The following HFM1 variants were observed in gnomAD, a reference collection of about 807,000 sequenced individuals.
HFM1 encodes helicase for meiosis 1, also known as probable ATP-dependent DNA helicase HFM1.
HFM1 carries 169 observed loss-of-function variants against 192.1 expected under a neutral mutation model. That is an observed-to-expected ratio of 0.88 (90% CI 0.78 to 1.00). The LOEUF is 1.00. Among genes scored for constraint, HFM1 ranks in the 50% least tolerant of loss-of-function variants. The pLI, the probability that HFM1 is intolerant of heterozygous loss-of-function variation, is 0.00. For missense variants in HFM1, 1,661 were observed against 1,668.0 expected (o/e 1.00, Z 0.07); for synonymous variants, 525 against 537.8 (o/e 0.98, Z 0.33).
intron 36 of HFM1, among the ~76,000 whole-genome samples, chr1:91,263,231 TA>T (rs1354638998): frequency 2.0e-5 from 3 of 151,320 alleles, no homozygotes; most frequent in African/African-American, 7.3e-5. Context: ...TGTGGAGCCA[TA>T]AGCCCATTTT....
intron 4 of HFM1, among the ~76,000 whole-genome samples, chr1:91,393,569 T>C (rs1663270067): frequency 6.6e-6 from 1 of 152,162 alleles, no homozygotes; most frequent in East Asian, 1.9e-4. Context: ...TGTGGGATTT[T>C]ATCTCCTAAA....
intron 7 of HFM1, 46 bp downstream of exon 7, chr1:91,380,866 A>G (rs1156371800): frequency 5.6e-6 from 5 of 893,732 alleles, no homozygotes; most frequent in Admixed American, 1.9e-5. Context: ...AGTGATCATA[A>G]CCTAGTGAAA....
At position 91,404,818 on chromosome 1, in the gene HFM1, G is replaced by A; in HGVS notation, c.-48C>T. On this transcript the variant is annotated 5_prime_UTR_variant, in exon 1 of 39. Transcript: ENST00000370425. ...CTCACCTCCCTGCGGACAGCTCCTA[G>A]GCCAGTCGAGCGCCGATTTATCAGC... The A allele has an allele frequency of 2.2e-6, 1 of 455,690 alleles. No individual in the cohort carries two copies. The highest frequency in any genetic ancestry group is 4.4e-6 in the Non-Finnish European group (1 of 226,694). 28.2% of individuals were successfully genotyped at this position (455,690 alleles called of 1,614,324 possible).
chr1:91,404,715 G>A (rs1664699748), intron 1 of HFM1, 83 bp downstream of exon 1: 14 of 401,468 alleles, frequency 3.5e-5, no homozygotes, highest in South Asian at 2.4e-4. Flanking sequence ...CTGCCCGGAC[G>A]GCTCGGCTGG....
chr1:91,308,107 C>A (rs1321684812), intron 30 of HFM1, among the ~76,000 whole-genome samples: 1 of 152,110 alleles, frequency 6.6e-6, no homozygotes, highest in Non-Finnish European at 1.5e-5. Context: ...TGGGGTTTAC[C>A]AAAATTCTAA....
chr1:91,382,934 A>G (rs988836010), intron 6 of HFM1, among the ~76,000 whole-genome samples: 1 of 152,194 alleles, frequency 6.6e-6, no homozygotes, highest in African/African-American at 2.4e-5. Flanking sequence ...GGTAGGACCA[A>G]TCTGAGAAAA....
chr1:91,276,301 T>C (rs138469188), intron 32 of HFM1, among the ~76,000 whole-genome samples: 80 of 152,288 alleles, frequency 5.3e-4, no homozygotes, highest in Non-Finnish European at 9.0e-4. Flanking sequence ...CTCATCACAC[T>C]ATATTAAAAA....
At chr1:91,307,105 T>C (rs1030599603) in intron 30 of HFM1, among the ~76,000 whole-genome samples, 8 of 152,272 alleles carry the variant, frequency 5.3e-5, no homozygotes, top group African/African-American at 1.2e-4. Context: ...TCTTCATTCA[T>C]AGAGGGTTCT....
At chr1:91,289,720 G>A (rs1668492462) in intron 30 of HFM1, among the ~76,000 whole-genome samples, 1 of 152,118 alleles carries the variant, frequency 6.6e-6, no homozygotes, top group Non-Finnish European at 1.5e-5. Flanking sequence ...AACCAGTCAG[G>A]CGTGGCGGCG....
intron 20 of HFM1, among the ~76,000 whole-genome samples, chr1:91,342,260 AAG>A (rs1000396435): frequency 6.6e-6 from 1 of 151,860 alleles, no homozygotes; most frequent in African/African-American, 2.4e-5. Flanking sequence ...GAGAGAGAGA[AAG>A]AGAGAGAGAT....
At chr1:91,389,296 G>A (rs995967751) in intron 4 of HFM1, among the ~76,000 whole-genome samples, 2 of 152,148 alleles carry the variant, frequency 1.3e-5, no homozygotes, top group East Asian at 1.9e-4. Flanking sequence ...TGAGTAGCTA[G>A]GATTACAGGC....
chr1:91,328,367 T>A, intron 20 of HFM1: 2 of 1,560,788 alleles, frequency 1.3e-6, no homozygotes, highest in Admixed American at 3.7e-5. Flanking sequence ...CAGTCATCCC[T>A]CCTCTGTGTT....
chr1:91,315,871 A>G lies in HFM1; in HGVS notation c.3084T>C (p.Tyr1028=), dbSNP rs776012083. ...QTKRTASDSH[Y]VTLIIGDADN... ...CTGCGTCACCTATGATTAAGGTAACATAGTGAGAATCCGATGCTGTTCTTT... is the reference window on the plus strand; with the variant it reads ...CTGCGTCACCTATGATTAAGGTAACGTAGTGAGAATCCGATGCTGTTCTTT... Residue 1028 remains tyrosine, a synonymous_variant, in exon 28 of 39, where the codon TAT becomes TAC. Coordinates refer to ENST00000370425, the MANE Select transcript of HFM1 (RefSeq NM_001017975.6). 3 of 1,611,272 alleles carry G rather than the reference A, an allele frequency of 1.9e-6. No individual in the cohort carries two copies. The highest frequency in any genetic ancestry group is 2.5e-6 in the Non-Finnish European group (3 of 1,177,768).
intron 20 of HFM1, among the ~76,000 whole-genome samples, chr1:91,343,099 C>T (rs1655587553): frequency 6.6e-6 from 1 of 151,750 alleles, no homozygotes; most frequent in African/African-American, 2.4e-5. Flanking sequence ...GGCATGGTGG[C>T]AGGCGCCTGT....
intron 13 of HFM1, among the ~76,000 whole-genome samples, chr1:91,362,973 T>C (rs1658719526): frequency 6.6e-6 from 1 of 152,126 alleles, no homozygotes; most frequent in Admixed American, 6.5e-5. Flanking sequence ...TGGCTAGCCA[T>C]ATGCAGAAAA....
At position 91,319,061 on chromosome 1, in the gene HFM1, C is replaced by A; in HGVS notation, c.2812+17G>T. On this transcript the variant is annotated intron_variant, in intron 25 of 38. Coordinates refer to ENST00000370425, the MANE Select transcript of HFM1 (RefSeq NM_001017975.6). Reference sequence around the variant, plus strand: ...TTGCAGACATGGCCAAACTGCCTGCCTGTATTCAGTACCTACCAATTTTTT... The same window carrying A: ...TTGCAGACATGGCCAAACTGCCTGCATGTATTCAGTACCTACCAATTTTTT... 1 of 1,569,546 alleles carries A rather than the reference C, an allele frequency of 6.4e-7. No homozygotes were observed. The highest frequency in any genetic ancestry group is 1.2e-5 in the South Asian group (1 of 82,956).
At chr1:91,296,037 A>T (rs1160672122) in intron 30 of HFM1, among the ~76,000 whole-genome samples, 1 of 151,362 alleles carries the variant, frequency 6.6e-6, no homozygotes, top group Non-Finnish European at 1.5e-5. Flanking sequence ...CATGCCATTC[A>T]CCTCCCGAGT....
At position 91,313,390 on chromosome 1, in the gene HFM1, G is replaced by C; in HGVS notation, c.3350C>G (p.Ser1117Cys). ...QRKSETQISH[S>C]KHSDISTIAG... ...TATTGTAGATATGTCTGAATGTTTAGAATGGGAAATCTGTGTTTCAGATTT... is the reference window on the plus strand; with the variant it reads ...TATTGTAGATATGTCTGAATGTTTACAATGGGAAATCTGTGTTTCAGATTT... Residue 1117 changes from serine to cysteine, a missense_variant, in exon 30 of 39, where the codon TCT becomes TGT. Physicochemically the swap from Ser to Cys is moderately radical, Grantham distance 112. Coordinates refer to ENST00000370425, the MANE Select transcript of HFM1 (RefSeq NM_001017975.6). 1.3e-6 allele frequency: 2 copies of C among 1,593,280 alleles called. No homozygotes were observed. Among genetic ancestry groups the C allele is most frequent in the Non-Finnish European group, 1.7e-6 (2 of 1,164,868 alleles).
chr1:91,309,199 C>A (rs1446383759), intron 30 of HFM1, among the ~76,000 whole-genome samples: 2 of 152,188 alleles, frequency 1.3e-5, no homozygotes, highest in African/African-American at 4.8e-5. Context: ...TCTAATCATG[C>A]TGCTGCTCTC....
Sources: allele counts gnomAD v4.1 joint callset (sites outside exome capture counted in the v4.1 genomes callset), GRCh38; gene constraint gnomAD v4.1.1; transcripts MANE v1.5; gene names NCBI Gene and HGNC (gene_info 2026-07-23, HGNC 2026-07-21).